SNTB1: variants seen among roughly 807,000 people sequenced by gnomAD.
SNTB1 encodes syntrophin beta 1.
Under a neutral mutation model 48.9 loss-of-function variants are expected in SNTB1, and 36 were observed. That is an observed-to-expected ratio of 0.74 (90% confidence interval 0.56 to 0.97). SNTB1 has a LOEUF of 0.97. Among genes scored for constraint, SNTB1 ranks in the 50% least tolerant of loss-of-function variants. The pLI is 0.00. For missense variants in SNTB1, 786 were observed against 703.4 expected (o/e 1.12, Z -1.33); for synonymous variants, 299 against 294.6 (o/e 1.01, Z -0.15).
At chr8:120,640,769 A>G (rs1465862949) in intron 2 of SNTB1, among the ~76,000 whole-genome samples, 1 of 152,148 alleles carries the variant, frequency 6.6e-6, no homozygotes, top group Non-Finnish European at 1.5e-5. Flanking sequence ...GTGCTGCTGG[A>G]TTCAGTTTGC....
rs1815928034 is a variant in SNTB1 at position 120,575,016 on chromosome 8, G to A, written c.1136+70C>T. 13 of 1,590,510 alleles carry A rather than the reference G, an allele frequency of 8.2e-6. No homozygotes were observed. The South Asian group carries it at 1.2e-4, about 15-fold the overall frequency. On this transcript the variant is annotated intron_variant, in intron 4 of 6. Coordinates refer to ENST00000517992, the MANE Select transcript of SNTB1 (RefSeq NM_021021.4). ...ATAGTGAGCAGTAATATAACGTATTGAGCTAATTGTAATTCATTAAATAGA... is the reference window on the plus strand; with the variant it reads ...ATAGTGAGCAGTAATATAACGTATTAAGCTAATTGTAATTCATTAAATAGA...
intron 3 of SNTB1, among the ~76,000 whole-genome samples, chr8:120,610,113 A>C (rs982485036): frequency 1.3e-5 from 2 of 152,120 alleles, no homozygotes; most frequent in African/African-American, 4.8e-5. Context: ...TTGCACACAC[A>C]GTTTCTTTAT....
At chr8:120,551,134 T>C (rs1355192296) in intron 4 of SNTB1, among the ~76,000 whole-genome samples, 1 of 151,120 alleles carries the variant, frequency 6.6e-6, no homozygotes, top group Admixed American at 6.6e-5. Context: ...CACGCACCTG[T>C]AATTCCAGCT....
chr8:120,768,913 T>C (rs573956612), intron 1 of SNTB1: 1 of 152,198 alleles, frequency 6.6e-6, no homozygotes, highest in South Asian at 2.1e-4. Context: ...AAAATTCAGG[T>C]CCATCTCAGT....
intron 4 of SNTB1, among the ~76,000 whole-genome samples, 183 bp downstream of exon 4, chr8:120,574,903 T>A (rs972512584): frequency 6.6e-6 from 1 of 152,236 alleles, no homozygotes; most frequent in Non-Finnish European, 1.5e-5. Context: ...TCTGTGTTGT[T>A]GCTTCATGTT....
chr8:120,541,747 A>G, intron 6 of SNTB1, 63 bp downstream of exon 6: 2 of 1,248,496 alleles, frequency 1.6e-6, no homozygotes, highest in South Asian at 3.1e-5. Context: ...GTAAGGCAGC[A>G]TTATGTTGCA....
intron 1 of SNTB1, among the ~76,000 whole-genome samples, chr8:120,701,253 G>A (rs1818305508): frequency 6.6e-6 from 1 of 152,192 alleles, no homozygotes; most frequent in Non-Finnish European, 1.5e-5. Context: ...TGTCTCGAGA[G>A]GCTGAATGAT....
intron 2 of SNTB1, among the ~76,000 whole-genome samples, chr8:120,667,829 G>C (rs1465304383): frequency 6.6e-6 from 1 of 152,154 alleles, no homozygotes; most frequent in Non-Finnish European, 1.5e-5. Flanking sequence ...CAGGACTGGA[G>C]TGGTATTCCA....
At position 120,590,671 on chromosome 8, in the gene SNTB1, TTTTCTTTTCTTTTC is replaced by T. The variant is rs1180048846; in HGVS notation, c.997-15460_997-15447del. On this transcript the variant is annotated intron_variant, in intron 3 of 6. Coordinates refer to ENST00000517992, the MANE Select transcript of SNTB1 (RefSeq NM_021021.4). ...GTTCATTATAGGTTTCTTTCTTTTG[TTTTCTTTTCTTTTC>T]TTTTTTTTTTTTTTTGAGACAGAGT... Among the ~76,000 whole-genome samples, 468 of 139,760 alleles carry T rather than the reference TTTTCTTTTCTTTTC, an allele frequency of 3.3e-3. 4 individuals carry two copies. Among genetic ancestry groups the T allele is most frequent in the African/African-American group, 0.013 (437 of 34,016 alleles). The allele number at this position is 139,760 out of a possible 152,430, so 91.7% of individuals were successfully genotyped here. A position where few individuals can be genotyped will look rare whatever the true frequency, so the allele number is the denominator to read the frequency against.
Position 120,641,530 on chromosome 8 carries a change from T to A in SNTB1, c.789-8879A>T, listed in dbSNP as rs186639345. Among the ~76,000 whole-genome samples the A allele has an allele frequency of 3.5e-3, 540 of 152,332 alleles. 5 individuals are homozygous for A. The highest frequency in any genetic ancestry group is 0.013 in the African/African-American group (529 of 41,580). Reference sequence around the variant, plus strand: ...TATTTTCTTTGTTGGGTTGCCAGCATGGCCCTAGGATAAAGCAGACTTGCA... The same window carrying A: ...TATTTTCTTTGTTGGGTTGCCAGCAAGGCCCTAGGATAAAGCAGACTTGCA... On this transcript the variant is annotated intron_variant, in intron 2 of 6. Transcript: ENST00000517992.
intron 4 of SNTB1, among the ~76,000 whole-genome samples, chr8:120,551,254 CAAA>C (rs11304538): frequency 9.9e-5 from 8 of 80,650 alleles, no homozygotes; most frequent in Admixed American, 1.5e-4. Context: ...GACTCCATCT[CAAA>C]AAAAAAAAAA....
At chr8:120,582,553 A>G (rs1177873842) in intron 3 of SNTB1, among the ~76,000 whole-genome samples, 1 of 152,220 alleles carries the variant, frequency 6.6e-6, no homozygotes, top group East Asian at 1.9e-4. Context: ...CATGAAAATG[A>G]GAGAGAAGAC....
intron 3 of SNTB1, among the ~76,000 whole-genome samples, chr8:120,599,181 C>A (rs999694755): frequency 1.3e-5 from 2 of 152,182 alleles, no homozygotes; most frequent in African/African-American, 4.8e-5. Flanking sequence ...CATCAGGGAA[C>A]TTTAAGTCAA....
In SNTB1 at chr8:120,562,018, A is replaced by G. The variant is rs74351713; in HGVS notation, c.1137-13060T>C. 4.3e-3 allele frequency among the ~76,000 whole-genome samples: 660 copies of G among 152,250 alleles called. 18 individuals are homozygous for G. Among genetic ancestry groups the G allele is most frequent in the East Asian group, 0.031 (158 of 5,160 alleles). ...ACTCCATCCTACCCTCCCCAAACCCATCCAAACAGCCAACAAGTTCATTAA... is the reference window on the plus strand; with the variant it reads ...ACTCCATCCTACCCTCCCCAAACCCGTCCAAACAGCCAACAAGTTCATTAA... On this transcript the variant is annotated intron_variant, in intron 4 of 6. Transcript: ENST00000517992.
intron 3 of SNTB1, among the ~76,000 whole-genome samples, chr8:120,612,072 G>A (rs1467083089): frequency 6.6e-6 from 1 of 152,030 alleles, no homozygotes; most frequent in East Asian, 1.9e-4. Context: ...GTACATCATG[G>A]TGCCTGCAAT....
At chr8:120,545,401 A>T (rs1435294827) in intron 5 of SNTB1, among the ~76,000 whole-genome samples, 1 of 152,052 alleles carries the variant, frequency 6.6e-6, no homozygotes, top group East Asian at 1.9e-4. Context: ...GCGTTATACG[A>T]CTCAAAGAGT....
chr8:120,770,627 C>A (rs767609263), intron 1 of SNTB1, among the ~76,000 whole-genome samples: 1 of 152,222 alleles, frequency 6.6e-6, no homozygotes, highest in East Asian at 1.9e-4. Flanking sequence ...GCCTGGCCAA[C>A]ACTGGTGAAA....
intron 1 of SNTB1, among the ~76,000 whole-genome samples, chr8:120,734,895 T>TAAGTGGATGAGAAAGCTTTGG (rs1818917183): frequency 6.6e-6 from 1 of 152,210 alleles, no homozygotes; most frequent in Non-Finnish European, 1.5e-5. Flanking sequence ...TGACTGGCTA[T>TAAGTGGATGAGAAAGCTTTGG]AAGTGGATGA....
intron 3 of SNTB1, among the ~76,000 whole-genome samples, chr8:120,584,052 G>A (rs528943831): frequency 2.0e-5 from 3 of 152,128 alleles, no homozygotes; most frequent in Non-Finnish European, 4.4e-5. Context: ...GGTGGCTCAC[G>A]CTTGTAAGCC....
Sources: gnomAD v4.1 joint callset for allele counts (sites outside exome capture counted in the v4.1 genomes callset) on GRCh38, gnomAD v4.1.1 for gene constraint, MANE v1.5 for transcripts, NCBI Gene and HGNC (gene_info 2026-07-23, HGNC 2026-07-21) for gene names.